The following KIAA1328 variants were observed in gnomAD, a reference collection of about 807,000 sequenced individuals.
KIAA1328 encodes protein hinderin.
Under a neutral mutation model 68.1 loss-of-function variants are expected in KIAA1328, and 52 were observed. That is an observed-to-expected ratio of 0.76 (90% CI 0.61 to 0.96). The LOEUF (loss-of-function observed/expected upper bound fraction) is 0.96, where lower values mean the gene tolerates loss of function less well. Among genes scored for constraint, KIAA1328 ranks in the 40% least tolerant of loss-of-function variants. The pLI, the probability that KIAA1328 is intolerant of heterozygous loss-of-function variation, is 0.00. For synonymous variants in KIAA1328, 232 were observed against 239.4 expected, an observed-to-expected ratio of 0.97 and a Z score of 0.28; for missense variants, 641 against 677.6, an observed-to-expected ratio of 0.95 and a Z score of 0.60.
intron 1 of KIAA1328, 32 bp downstream of exon 1, chr18:36,829,228 G>T: frequency 6.7e-7 from 1 of 1,494,766 alleles, no homozygotes; most frequent in Non-Finnish European, 8.9e-7. Context: ...GGGGGCGCCG[G>T]CGCCCTCCAC....
chr18:36,898,574 A>T (rs2048936724), intron 5 of KIAA1328, among the ~76,000 whole-genome samples: 1 of 152,010 alleles, frequency 6.6e-6, no homozygotes, highest in African/African-American at 2.4e-5. Context: ...AGGAAAGGCC[A>T]AAGTGACAGT....
intron 9 of KIAA1328, among the ~76,000 whole-genome samples, chr18:37,215,756 C>T (rs958330480): frequency 6.6e-6 from 1 of 152,128 alleles, no homozygotes; most frequent in Non-Finnish European, 1.5e-5. Flanking sequence ...TGATAGAATT[C>T]GGCTGTGAAT....
chr18:36,991,624 AC>A (rs1438421855), intron 6 of KIAA1328, among the ~76,000 whole-genome samples: 2 of 152,164 alleles, frequency 1.3e-5, no homozygotes, highest in Non-Finnish European at 2.9e-5. Context: ...ATCTTAGATA[AC>A]CACCATTCTT....
intron 7 of KIAA1328, among the ~76,000 whole-genome samples, chr18:37,118,213 T>G (rs1477677834): frequency 1.3e-5 from 2 of 152,122 alleles, no homozygotes; most frequent in African/African-American, 2.4e-5. Context: ...TAGGATGGTC[T>G]TGAACTCCTG....
chr18:36,841,172 C>G (rs901485082), intron 3 of KIAA1328, among the ~76,000 whole-genome samples: 1 of 151,994 alleles, frequency 6.6e-6, no homozygotes, highest in African/African-American at 2.4e-5. Flanking sequence ...ATGAACAGTG[C>G]AGTGGATCCC....
At chr18:37,076,038 C>T (rs907415595) in intron 7 of KIAA1328, among the ~76,000 whole-genome samples, 4 of 151,972 alleles carry the variant, frequency 2.6e-5, no homozygotes, top group African/African-American at 7.2e-5. Flanking sequence ...ACATTTTTTT[C>T]AGCACCACAC....
intron 3 of KIAA1328, among the ~76,000 whole-genome samples, chr18:36,841,466 C>A (rs2150795244): frequency 6.6e-6 from 1 of 151,940 alleles, no homozygotes; most frequent in South Asian, 2.1e-4. Flanking sequence ...CTTTGAATTG[C>A]AATGATACCA....
chr18:36,855,547 G>C (rs747185302), intron 4 of KIAA1328, among the ~76,000 whole-genome samples: 16 of 149,792 alleles, frequency 1.1e-4, no homozygotes, highest in Admixed American at 6.7e-4. Context: ...TTGGTTACTA[G>C]ACTTTTATCA....
chr18:36,859,882 T>C (rs985115599), intron 4 of KIAA1328, among the ~76,000 whole-genome samples: 1 of 151,644 alleles, frequency 6.6e-6, no homozygotes, highest in African/African-American at 2.4e-5. Flanking sequence ...CTTCTATACC[T>C]AACTTTTTAT....
intron 6 of KIAA1328, among the ~76,000 whole-genome samples, chr18:37,047,668 A>G (rs1219075459): frequency 1.3e-5 from 2 of 152,198 alleles, no homozygotes; most frequent in African/African-American, 4.8e-5. Context: ...TCTGCTATGA[A>G]ACTTTTTCAA....
intron 6 of KIAA1328, among the ~76,000 whole-genome samples, chr18:37,045,939 C>T (rs1050832387): frequency 1.3e-5 from 2 of 152,146 alleles, no homozygotes; most frequent in African/African-American, 2.4e-5. Flanking sequence ...CAGGTGGGTG[C>T]AAGTCTATGT....
At chr18:37,217,573 T>C (rs919339205) in intron 9 of KIAA1328, among the ~76,000 whole-genome samples, 38 of 152,340 alleles carry the variant, frequency 2.5e-4, no homozygotes, top group African/African-American at 7.7e-4. Context: ...GTGGGTAACC[T>C]GACCTTTCTC....
At chr18:37,133,898 A>G (rs2058583214) in intron 7 of KIAA1328, among the ~76,000 whole-genome samples, 1 of 152,098 alleles carries the variant, frequency 6.6e-6, no homozygotes, top group South Asian at 2.1e-4. Context: ...GGCATCTTTC[A>G]TATTGATGCC....
rs532308096 is a variant in KIAA1328, at chr18:37,099,839, T to G, written c.1232+32294T>G. On this transcript the variant is annotated intron_variant, in intron 7 of 9. Coordinates refer to ENST00000280020, the MANE Select transcript of KIAA1328 (RefSeq NM_020776.3). ...CTTTACCATTATGTAATGGCCTTCT[T>G]TGTCTCTTTTGATATTAGTTGGTTT... 1.0e-3 allele frequency among the ~76,000 whole-genome samples: 152 copies of G among 152,320 alleles called. 2 individuals are homozygous for G. Among genetic ancestry groups the G allele is most frequent in the African/African-American group, 3.6e-3 (150 of 41,566 alleles).
At chr18:37,051,748 A>T (rs930306153) in intron 6 of KIAA1328, among the ~76,000 whole-genome samples, 3 of 152,132 alleles carry the variant, frequency 2.0e-5, no homozygotes, top group Non-Finnish European at 2.9e-5. Context: ...CACAATAAAT[A>T]AGACTACAGG....
chr18:37,028,512 CT>C (rs575689979), intron 6 of KIAA1328, among the ~76,000 whole-genome samples: 86 of 146,794 alleles, frequency 5.9e-4, no homozygotes, highest in South Asian at 1.1e-3. Context: ...GGTTAGATGC[CT>C]TTTTTTTTTT....
intron 5 of KIAA1328, among the ~76,000 whole-genome samples, chr18:36,905,370 C>T (rs1042717125): frequency 5.3e-5 from 8 of 151,978 alleles, no homozygotes; most frequent in African/African-American, 1.7e-4. Flanking sequence ...CTTCGGTCTC[C>T]TGAAGTGCTG....
intron 8 of KIAA1328, among the ~76,000 whole-genome samples, chr18:37,164,429 G>A (rs1230718826): frequency 2.0e-5 from 3 of 152,192 alleles, no homozygotes; most frequent in Non-Finnish European, 4.4e-5. Context: ...ATGTCAAAGA[G>A]AAATCAGTAG....
intron 7 of KIAA1328, among the ~76,000 whole-genome samples, chr18:37,109,511 A>G (rs970695800): frequency 5.3e-5 from 8 of 152,176 alleles, no homozygotes; most frequent in Non-Finnish European, 1.0e-4. Context: ...TCAAATGGCA[A>G]TTCATAGATT....
Sources: gnomAD v4.1 joint callset for allele counts (sites outside exome capture counted in the v4.1 genomes callset) on GRCh38, gnomAD v4.1.1 for gene constraint, MANE v1.5 for transcripts, NCBI Gene and HGNC (gene_info 2026-07-23, HGNC 2026-07-21) for gene names.